Variants in HSD3B7 observed in about 807,000 individuals in gnomAD.
The protein encoded by HSD3B7 is hydroxy-delta-5-steroid dehydrogenase, 3 beta- and steroid delta-isomerase 7, also known as 3 beta-hydroxysteroid dehydrogenase type 7.
A neutral mutation model predicts 34.3 loss-of-function variants in HSD3B7; 35 were observed. That is an observed-to-expected ratio of 1.02 (90% confidence interval 0.78 to 1.35). The LOEUF is 1.35. Among genes scored for constraint, HSD3B7 ranks in the 40% most tolerant of loss-of-function variants. The probability of loss-of-function intolerance (pLI) is 0.00; values close to 1 mark genes in which losing one functional copy is unlikely to be tolerated. For missense variants in HSD3B7, 426 were observed against 504.7 expected (o/e 0.84, Z 1.49); for synonymous variants, 217 against 220.1 (o/e 0.99, Z 0.13).
chr16:30,986,429 G>A lies in HSD3B7; in HGVS notation c.329G>A (p.Arg110Gln), dbSNP rs141045776. The change falls in exon 4 of 7, where the codon CGG becomes CAG. Residue 110 changes from arginine to glutamine, a missense_variant. Physicochemically the swap from Arg to Gln is conservative, Grantham distance 43. Transcript: ENST00000297679. ...ACGCCTCCTCCTCTGCCAGGTACCCGGAACGTGATCGAGGCTTGTGTGCAG... is the reference window on the plus strand; with the variant it reads ...ACGCCTCCTCCTCTGCCAGGTACCCAGAACGTGATCGAGGCTTGTGTGCAG... Reference protein sequence around the residue: ...TIHEVNVQGTRNVIEACVQTG... With the variant: ...TIHEVNVQGTQNVIEACVQTG... The A allele has an allele frequency of 5.2e-4, 836 of 1,613,848 alleles. No homozygotes were observed. Among genetic ancestry groups the A allele is most frequent in the Non-Finnish European group, 6.3e-4 (749 of 1,179,908 alleles).
intron 1 of HSD3B7, 139 bp from the exon 2 acceptor site, chr16:30,985,514 G>C: frequency 1.3e-6 from 2 of 1,516,620 alleles, no homozygotes; most frequent in Non-Finnish European, 1.8e-6. Context: ...CAGGTGGCCT[G>C]GTTGCTGCAG....
rs554953181 is a variant in HSD3B7 at position 30,985,556 on chromosome 16, C to T, written c.-6-97C>T. ...GGATCAGCTCTGCCCTCCCCGCAAA[C>T]GCCAGCCTCGTCACCGCTCCAGGGC... On this transcript the variant is annotated intron_variant, in intron 1 of 6. Transcript: ENST00000297679. 16 of 1,533,488 alleles carry T rather than the reference C, an allele frequency of 1.0e-5. No homozygotes were observed. In the Admixed American group the frequency reaches 1.4e-4, roughly 13 times the overall value. 95.0% of individuals were successfully genotyped at this position (1,533,488 alleles called of 1,614,324 possible).
intron 6 of HSD3B7, chr16:30,987,277 C>T (rs1596706770): frequency 2.0e-6 from 1 of 511,102 alleles, no homozygotes; most frequent in East Asian, 3.5e-5. Context: ...AGGAGAGGGA[C>T]AGTGTGTACA....
intron 6 of HSD3B7, chr16:30,987,332 A>T: frequency 2.3e-6 from 1 of 435,668 alleles, no homozygotes; most frequent in Non-Finnish European, 4.2e-6. Context: ...CTATAATCCC[A>T]GCACTTTAGG....
rs771203986 is a variant in HSD3B7, at chr16:30,986,122, C to T, written c.240C>T (p.Ala80=). The T allele has an allele frequency of 1.2e-6, 2 of 1,614,000 alleles. No homozygotes were observed. The highest frequency in any genetic ancestry group is 8.5e-7 in the Non-Finnish European group (1 of 1,180,026). Residue 80 remains alanine (A), a synonymous_variant, in exon 3 of 7, where the codon GCC becomes GCT. Coordinates refer to ENST00000297679, the MANE Select transcript of HSD3B7 (RefSeq NM_025193.4). The part of the protein sequence containing the change: ...AHEVAAAVAG[A]HVVIHTAGLV... ...AGGTGGCAGCAGCTGTGGCCGGAGC[C>T]CATGTGGTCATCCACACGGCTGGGC...
chr16:30,986,992 G>A lies in HSD3B7; in HGVS notation c.684G>A (p.Arg228=). ...TCCCGGCCTCTGTGGAGCATGGCCG[G>A]GTCTATGTGGGTGAGGACTGGGCTA... ...RAIPASVEHG[R]VYVGNVAWMH... is the part of the protein sequence containing the mutation. Residue 228 remains arginine (R), a synonymous_variant, in exon 6 of 7, where the codon CGG becomes CGA. Coordinates refer to ENST00000297679, the MANE Select transcript of HSD3B7 (RefSeq NM_025193.4). The A allele has an allele frequency of 6.2e-7, 1 of 1,611,036 alleles. No individual in the cohort carries two copies. Among genetic ancestry groups the A allele is most frequent in the Non-Finnish European group, 8.5e-7 (1 of 1,178,300 alleles).
chr16:30,986,037 A>C lies in HSD3B7; in HGVS notation c.167-12A>C. The C allele has an allele frequency of 6.2e-7, 1 of 1,612,128 alleles. No homozygotes were observed. On this transcript the variant is annotated splice_polypyrimidine_tract_variant and intron_variant, in intron 2 of 6. Coordinates refer to ENST00000297679, the MANE Select transcript of HSD3B7 (RefSeq NM_025193.4). ...AGCTCTGACATGGCCTGTGTCCTCC[A>C]ACCCCGGCCAGGGCCTGTGAGGGTG...
At chr16:30,987,039 T>C (rs2056491506) in intron 6 of HSD3B7, 37 bp downstream of exon 6, 2 of 1,591,146 alleles carry the variant, frequency 1.3e-6, no homozygotes, top group Non-Finnish European at 8.6e-7. Context: ...GCTGAGAATA[T>C]GGCAGGAGGA....
Position 30,987,961 on chromosome 16 carries a change from G to T in HSD3B7, c.888G>T (p.Val296=), listed in dbSNP as rs201629379. The change falls in exon 7 of 7, where the codon GTG becomes GTT. Residue 296 remains valine, a synonymous_variant. Transcript: ENST00000297679. The part of the protein sequence containing the change: ...ARPLLPYWLL[V]FLAALNALLQ... ...CATTGCTGCCCTACTGGCTGCTGGT[G>T]TTCCTGGCTGCCCTCAATGCCCTGC... 1 of 1,612,088 alleles carries T rather than the reference G, an allele frequency of 6.2e-7. No homozygotes were observed. Among genetic ancestry groups the T allele is most frequent in the African/African-American group, 1.3e-5 (1 of 75,054 alleles).
chr16:30,985,921 T>C (rs768354830), intron 2 of HSD3B7, 97 bp downstream of exon 2: 61 of 1,581,064 alleles, frequency 3.9e-5, no homozygotes, highest in Non-Finnish European at 6.0e-6. Context: ...CAGATGATGC[T>C]GGTTTCTGTC....
At chr16:30,985,951 A>G (rs1456307803) in intron 2 of HSD3B7, 98 bp from the exon 3 acceptor site, 1 of 1,576,720 alleles carries the variant, frequency 6.3e-7, no homozygotes, top group Non-Finnish European at 8.7e-7. Context: ...GGGTCGAGTG[A>G]GTCACATTGG....
rs780907941 is a variant in HSD3B7, at chr16:30,987,011, T to G, written c.694+9T>G. On this transcript the variant is annotated intron_variant, in intron 6 of 6. Transcript: ENST00000297679. The stretch of plus-strand genomic sequence containing the variant: ...TGGCCGGGTCTATGTGGGTGAGGAC[T>G]GGGCTAGGCAGGGGGAGGCTGAGAA... The G allele has an allele frequency of 1.9e-6, 3 of 1,604,040 alleles. No homozygotes were observed. Among genetic ancestry groups the G allele is most frequent in the Non-Finnish European group, 2.6e-6 (3 of 1,173,148 alleles).
chr16:30,987,929 G>T lies in HSD3B7; in HGVS notation c.856G>T (p.Ala286Ser). 1 of 1,613,314 alleles carries T rather than the reference G, an allele frequency of 6.2e-7. No individual in the cohort carries two copies. Among genetic ancestry groups the T allele is most frequent in the East Asian group, 2.2e-5 (1 of 44,882 alleles). ...CCCCTGCGGACTGCGGCTGGTGGGC[G>T]CCCGCCCATTGCTGCCCTACTGGCT... ...LGPCGLRLVG[A>S]RPLLPYWLLV... Residue 286 changes from alanine to serine, a missense_variant, in exon 7 of 7, where the codon GCC becomes TCC. Ala to Ser is a moderately conservative substitution (Grantham distance 99, BLOSUM62 1). Transcript: ENST00000297679.
At chr16:30,985,918 T>C (rs746745983) in intron 2 of HSD3B7, 94 bp downstream of exon 2, 20 of 1,580,494 alleles carry the variant, frequency 1.3e-5, no homozygotes, top group Non-Finnish European at 1.6e-5. Context: ...GAACAGATGA[T>C]GCTGGTTTCT....
In HSD3B7 at chr16:30,986,091, C is replaced by A. The variant is rs1481745765; in HGVS notation, c.209C>A (p.Ala70Asp). 1 of 1,613,790 alleles carries A rather than the reference C, an allele frequency of 6.2e-7. No individual in the cohort carries two copies. Among genetic ancestry groups the A allele is most frequent in the Non-Finnish European group, 8.5e-7 (1 of 1,180,004 alleles). Reference protein sequence around the residue: ...VTAIQGDVTQAHEVAAAVAGA... With the variant: ...VTAIQGDVTQDHEVAAAVAGA... ...GCCATCCAGGGGGACGTGACCCAGG[C>A]CCATGAGGTGGCAGCAGCTGTGGCC... The change falls in exon 3 of 7, where the codon GCC (alanine) becomes GAC (aspartate). Residue 70 changes from alanine to aspartate, a missense_variant. Coordinates refer to ENST00000297679, the MANE Select transcript of HSD3B7 (RefSeq NM_025193.4).
At chr16:30,985,588 A>T (rs1171435668) in intron 1 of HSD3B7, 65 bp from the exon 2 acceptor site, 8 of 1,545,900 alleles carry the variant, frequency 5.2e-6, no homozygotes, top group Non-Finnish European at 6.9e-6. Context: ...GGGCACCTCC[A>T]GCAGTAACAG....
chr16:30,987,930 C>A lies in HSD3B7; in HGVS notation c.857C>A (p.Ala286Asp). 1 of 1,613,416 alleles carries A rather than the reference C, an allele frequency of 6.2e-7. No homozygotes were observed. ...CCCTGCGGACTGCGGCTGGTGGGCGCCCGCCCATTGCTGCCCTACTGGCTG... is the reference window on the plus strand; with the variant it reads ...CCCTGCGGACTGCGGCTGGTGGGCGACCGCCCATTGCTGCCCTACTGGCTG... Reference protein sequence around the residue: ...LGPCGLRLVGARPLLPYWLLV... With the variant: ...LGPCGLRLVGDRPLLPYWLLV... Residue 286 changes from alanine to aspartate, a missense_variant, in exon 7 of 7, where the codon GCC becomes GAC. Transcript: ENST00000297679.
chr16:30,988,018 C>T lies in HSD3B7; in HGVS notation c.945C>T (p.Tyr315=), dbSNP rs771118274. 8.7e-6 allele frequency: 14 copies of T among 1,608,234 alleles called. No homozygotes were observed. The highest frequency in any genetic ancestry group is 4.5e-5 in the East Asian group (2 of 44,894). ...LQWLLRPLVL[Y]APLLNPYTLA... is the part of the protein sequence containing the mutation. ...GGCTGCTGCGGCCACTGGTGCTCTA[C>T]GCACCCCTGCTGAACCCCTACACGC... Residue 315 remains tyrosine (Y), a synonymous_variant, in exon 7 of 7, where the codon TAC becomes TAT. Coordinates refer to ENST00000297679, the MANE Select transcript of HSD3B7 (RefSeq NM_025193.4).
At chr16:30,985,333 T>C in intron 1 of HSD3B7, 36 bp downstream of exon 1, 1 of 1,243,794 alleles carries the variant, frequency 8.0e-7, no homozygotes, top group Non-Finnish European at 1.0e-6. Context: ...AGGTGGCCTT[T>C]CCCTCCATCC....
Sources: allele counts gnomAD v4.1 joint callset, GRCh38; gene constraint gnomAD v4.1.1; transcripts MANE v1.5; gene names NCBI Gene and HGNC (gene_info 2026-07-23, HGNC 2026-07-21).